The following MARCO variants were observed in gnomAD, a reference collection of about 807,000 sequenced individuals.
MARCO encodes macrophage receptor MARCO.
MARCO carries 72 observed loss-of-function variants against 70.0 expected under a neutral mutation model. The ratio of observed to expected loss-of-function variants is 1.03; its 90% CI spans 0.85 to 1.25. The LOEUF (loss-of-function observed/expected upper bound fraction) is 1.25. Among genes scored for constraint, MARCO ranks in the 50% most tolerant of loss-of-function variants. The pLI is 0.00. For synonymous variants in MARCO, 273 were observed against 243.1 expected (o/e 1.12, Z -1.14); for missense variants, 696 against 659.3 (o/e 1.06, Z -0.61).
chr2:118,950,418 C>A (rs1258476696), intron 1 of MARCO, among the ~76,000 whole-genome samples: 1 of 151,610 alleles, frequency 6.6e-6, no homozygotes, highest in Non-Finnish European at 1.5e-5. Flanking sequence ...ATTTCCTTTA[C>A]AATTAAAGTT....
Position 118,976,063 on chromosome 2 carries a change from C to T in MARCO, c.614-1408C>T, listed in dbSNP as rs114334179. Reference sequence around the variant, plus strand: ...ACTCACCAGAGTGGAGCCACTGAGGCTGGCTTGAAGGGAAAAGCCAGAAGC... The same window carrying T: ...ACTCACCAGAGTGGAGCCACTGAGGTTGGCTTGAAGGGAAAAGCCAGAAGC... On this transcript the variant is annotated intron_variant, in intron 6 of 16. Coordinates refer to ENST00000327097, the MANE Select transcript of MARCO (RefSeq NM_006770.4). Among the ~76,000 whole-genome samples the T allele has an allele frequency of 5.9e-3, 903 of 152,170 alleles. 11 individuals carry two copies. The highest frequency in any genetic ancestry group is 0.021 in the African/African-American group (859 of 41,518).
chr2:118,972,051 T>A (rs1198744174), intron 4 of MARCO, among the ~76,000 whole-genome samples: 1 of 152,216 alleles, frequency 6.6e-6, no homozygotes, highest in East Asian at 1.9e-4. Flanking sequence ...GGTGTGACTC[T>A]GGGTCAGTTA....
rs80217020 is a variant in MARCO at position 118,942,330 on chromosome 2, C to A, written c.30C>A (p.Asp10Glu). 1.2e-6 allele frequency: 2 copies of A among 1,613,554 alleles called. No individual in the cohort carries two copies. Among genetic ancestry groups the A allele is most frequent in the East Asian group, 4.5e-5 (2 of 44,816 alleles). ...GAAATAAGAAAATTCTCAAGGAGGA[C>A]GAGCTCTTGAGTGAGACCCAACAAG... is the stretch of plus-strand genomic sequence containing the variant. MRNKKILKE[D>E]ELLSETQQAA... The change falls in exon 1 of 17, where the codon GAC becomes GAA. Residue 10 changes from aspartate (D) to glutamate (E), a missense_variant. Coordinates refer to ENST00000327097, the MANE Select transcript of MARCO (RefSeq NM_006770.4).
In MARCO at chr2:118,993,143, C is replaced by G; in HGVS notation, c.1272C>G (p.Val424=). Reference sequence around the variant, plus strand: ...ACCCAGGTGAAAACTCAGTGTCCGTCAGGATTGTCGGCAGTAGTAACCGAG... The same window carrying G: ...ACCCAGGTGAAAACTCAGTGTCCGTGAGGATTGTCGGCAGTAGTAACCGAG... ...KGERGENSVS[V]RIVGSSNRGR... The change falls in exon 16 of 17, where the codon GTC becomes GTG. Residue 424 remains valine (V), a synonymous_variant. Coordinates refer to ENST00000327097, the MANE Select transcript of MARCO (RefSeq NM_006770.4). The G allele has an allele frequency of 6.2e-7, 1 of 1,614,250 alleles. No individual in the cohort carries two copies. The highest frequency in any genetic ancestry group is 1.3e-5 in the African/African-American group (1 of 75,072).
intron 1 of MARCO, among the ~76,000 whole-genome samples, chr2:118,963,786 G>A (rs1679992855): frequency 6.6e-6 from 1 of 152,078 alleles, no homozygotes; most frequent in Non-Finnish European, 1.5e-5. Context: ...ATAGCACATT[G>A]TTGGATTATG....
intron 1 of MARCO, among the ~76,000 whole-genome samples, chr2:118,957,058 A>G (rs555592915): frequency 6.6e-6 from 1 of 152,124 alleles, no homozygotes; most frequent in East Asian, 1.9e-4. Flanking sequence ...AGCACAGACA[A>G]TCTAAGGTCA....
chr2:118,950,329 G>T (rs1379072871), intron 1 of MARCO, among the ~76,000 whole-genome samples: 5 of 152,090 alleles, frequency 3.3e-5, no homozygotes, highest in African/African-American at 1.2e-4. Flanking sequence ...AAAACCTGTT[G>T]TTCTTTTATT....
At chr2:118,962,608 A>G (rs1446807016) in intron 1 of MARCO, among the ~76,000 whole-genome samples, 1 of 152,042 alleles carries the variant, frequency 6.6e-6, no homozygotes, top group Non-Finnish European at 1.5e-5. Context: ...TGATTTTCAT[A>G]TTAGGATCAT....
At chr2:118,966,880 G>A (rs1001455586) in intron 1 of MARCO, among the ~76,000 whole-genome samples, 5 of 152,176 alleles carry the variant, frequency 3.3e-5, no homozygotes, top group African/African-American at 7.2e-5. Context: ...GGCTCCCCTC[G>A]TGTGTTATTT....
chr2:118,982,302 C>G (rs758182093), intron 11 of MARCO, 46 bp from the exon 12 acceptor site: 7 of 1,612,502 alleles, frequency 4.3e-6, no homozygotes, highest in Middle Eastern at 1.6e-4. Context: ...TGTGTGAAAA[C>G]CTGCCTAGTC....
At chr2:118,958,114 C>T (rs893276469) in intron 1 of MARCO, among the ~76,000 whole-genome samples, 1 of 151,818 alleles carries the variant, frequency 6.6e-6, no homozygotes, top group African/African-American at 2.4e-5. Context: ...TCACTCTCAC[C>T]ACTCCTCTTC....
intron 1 of MARCO, among the ~76,000 whole-genome samples, chr2:118,945,886 A>G (rs976598929): frequency 6.6e-6 from 1 of 152,160 alleles, no homozygotes; most frequent in Non-Finnish European, 1.5e-5. Flanking sequence ...TAGTGAGCCT[A>G]ACCATCCTTT....
chr2:118,986,590 A>AAAGAAAGG (rs1680490941), intron 12 of MARCO, among the ~76,000 whole-genome samples: 1 of 7,454 alleles, frequency 1.3e-4, no homozygotes, highest in South Asian at 6.1e-3. Context: ...AGGAAAGAAG[A>AAAGAAAGG]AAGAAAGAAA....
At chr2:118,943,514 G>C (rs1430443256) in intron 1 of MARCO, among the ~76,000 whole-genome samples, 1 of 152,192 alleles carries the variant, frequency 6.6e-6, no homozygotes, top group African/African-American at 2.4e-5. Flanking sequence ...CTTCTGGCAC[G>C]AGGGGACAGG....
At chr2:118,962,141 G>A (rs1679961325) in intron 1 of MARCO, among the ~76,000 whole-genome samples, 1 of 152,148 alleles carries the variant, frequency 6.6e-6, no homozygotes, top group South Asian at 2.1e-4. Flanking sequence ...ATAGTTTGAA[G>A]TCTGGTAGTG....
rs533278502 is a variant in MARCO at position 118,974,620 on chromosome 2, C to T, written c.613+55C>T. 5.2e-6 allele frequency: 8 copies of T among 1,531,180 alleles called. No individual in the cohort carries two copies. The South Asian group carries it at 7.0e-5, about 13-fold the overall frequency. 94.8% of individuals were successfully genotyped at this position (1,531,180 alleles called of 1,614,324 possible). On this transcript the variant is annotated intron_variant, in intron 6 of 16. Coordinates refer to ENST00000327097, the MANE Select transcript of MARCO (RefSeq NM_006770.4). ...ATACACAGCAAGTTTCTCAGAGTGA[C>T]TGCTGTGGGCTGCAGACGCAGCCTC... is the stretch of plus-strand genomic sequence containing the variant.
chr2:118,983,704 C>G (rs1421993382), intron 12 of MARCO, among the ~76,000 whole-genome samples: 1 of 152,136 alleles, frequency 6.6e-6, no homozygotes, highest in Non-Finnish European at 1.5e-5. Flanking sequence ...CAGAGTCCAT[C>G]TGACTATGAG....
intron 1 of MARCO, 140 bp downstream of exon 1, chr2:118,942,537 T>C (rs1018897010): frequency 2.0e-5 from 12 of 611,768 alleles, no homozygotes; most frequent in Non-Finnish European, 2.9e-5. Context: ...TAATACTGTC[T>C]GGAGTGCTTC....
Position 118,994,514 on chromosome 2 carries a change from C to A in MARCO, c.1557C>A (p.Ser519Arg). 1 of 1,587,342 alleles carries A rather than the reference C, an allele frequency of 6.3e-7. No homozygotes were observed. Among genetic ancestry groups the A allele is most frequent in the South Asian group, 1.2e-5 (1 of 86,640 alleles). Residue 519 changes from serine (S) to arginine (R), a missense_variant, in exon 17 of 17, where the codon AGC (serine) becomes AGA (arginine). Around this residue, in one of 3 missense-constraint regions of MARCO, gnomAD observed 58 missense variants for 62.1 expected, o/e 0.93. Coordinates refer to ENST00000327097, the MANE Select transcript of MARCO (RefSeq NM_006770.4). ...SHEEDAGVEC[S>R]V ...AGGAGGACGCAGGCGTGGAGTGCAG[C>A]GTCTGACCCGGAAACCCTTTCACTT... is the stretch of plus-strand genomic sequence containing the variant.
Sources: gnomAD v4.1 joint callset for allele counts (sites outside exome capture counted in the v4.1 genomes callset) on GRCh38, gnomAD v4.1.1 for gene constraint, gnomAD v4.1.1 regional missense constraint, MANE v1.5 for transcripts, NCBI Gene and HGNC (gene_info 2026-07-23, HGNC 2026-07-21) for gene names.